The following EPB41L4A variants were observed in gnomAD, a reference collection of about 807,000 sequenced individuals.
EPB41L4A encodes the protein band 4.1-like protein 4A.
EPB41L4A carries 100 observed loss-of-function variants against 108.6 expected under a neutral mutation model. The observed-to-expected ratio is 0.92, with a 90% CI of 0.78 to 1.09. The LOEUF (loss-of-function observed/expected upper bound fraction) is 1.09. EPB41L4A is among the 50% of genes least tolerant of loss of function. The probability of loss-of-function intolerance (pLI) is 0.00; values close to 1 mark genes in which losing one functional copy is unlikely to be tolerated. For missense variants in EPB41L4A, 1,030 were observed against 842.7 expected (o/e 1.22, Z -2.75); for synonymous variants, 319 against 289.0 (o/e 1.10, Z -1.05).
chr5:112,236,299 G>T (rs1749325823), intron 11 of EPB41L4A, among the ~76,000 whole-genome samples: 1 of 152,178 alleles, frequency 6.6e-6, no homozygotes, highest in African/African-American at 2.4e-5. Flanking sequence ...CAAGCTTTCT[G>T]ACCTCCTGCT....
intron 9 of EPB41L4A, among the ~76,000 whole-genome samples, chr5:112,253,936 G>A (rs923592287): frequency 5.3e-5 from 8 of 152,246 alleles, no homozygotes; most frequent in Admixed American, 3.9e-4. Flanking sequence ...TGCGCTTGTT[G>A]ACAAACAGTG....
chr5:112,399,858 C>T (rs367871359), intron 1 of EPB41L4A, among the ~76,000 whole-genome samples: 3 of 152,226 alleles, frequency 2.0e-5, no homozygotes, highest in African/African-American at 7.2e-5. Flanking sequence ...CCCTTCACCC[C>T]CTTTGACTAA....
At chr5:112,325,467 T>C (rs1037174563) in intron 1 of EPB41L4A, among the ~76,000 whole-genome samples, 1 of 145,492 alleles carries the variant, frequency 6.9e-6, no homozygotes, top group Non-Finnish European at 1.5e-5. Flanking sequence ...AAAGGGAGAG[T>C]CAGATAAATG....
chr5:112,197,448 T>A (rs1194448501), intron 15 of EPB41L4A, among the ~76,000 whole-genome samples: 1 of 152,212 alleles, frequency 6.6e-6, no homozygotes, highest in Non-Finnish European at 1.5e-5. Context: ...GGTCACTATT[T>A]AGCATAAACA....
chr5:112,325,602 A>G (rs1369753979), intron 1 of EPB41L4A, among the ~76,000 whole-genome samples: 1 of 152,220 alleles, frequency 6.6e-6, no homozygotes. Flanking sequence ...ACTTGTTAAC[A>G]TCATGCTTTA....
intron 1 of EPB41L4A, among the ~76,000 whole-genome samples, chr5:112,354,452 C>T (rs183506560): frequency 1.3e-5 from 2 of 152,130 alleles, no homozygotes; most frequent in Admixed American, 6.5e-5. Flanking sequence ...ACTCAGCTCT[C>T]CGGCAACACT....
At chr5:112,414,594 T>C (rs1471130727) in intron 1 of EPB41L4A, among the ~76,000 whole-genome samples, 1 of 152,120 alleles carries the variant, frequency 6.6e-6, no homozygotes, top group Non-Finnish European at 1.5e-5. Flanking sequence ...ACACAGTAAC[T>C]GGACTGCAAA....
downstream of EPB41L4A, among the ~76,000 whole-genome samples, chr5:112,141,877 A>G (rs1486810521): frequency 6.6e-6 from 1 of 152,118 alleles, no homozygotes; most frequent in Non-Finnish European, 1.5e-5. Context: ...TGTGCATTTC[A>G]GTCACTGAAT....
chr5:112,240,829 C>T lies in EPB41L4A; in HGVS notation c.796-19G>A, dbSNP rs537971169. On this transcript the variant is annotated intron_variant, in intron 9 of 22. Coordinates refer to ENST00000261486, the MANE Select transcript of EPB41L4A (RefSeq NM_022140.5). ...CGTTACACTAAGAGAGAAAGAGAGACAGAATATGAATAATGACCAGGGAAG... is the reference window on the plus strand; with the variant it reads ...CGTTACACTAAGAGAGAAAGAGAGATAGAATATGAATAATGACCAGGGAAG... 9.5e-6 allele frequency: 14 copies of T among 1,470,498 alleles called. No individual in the cohort carries two copies. In the East Asian group the frequency reaches 2.1e-4, roughly 22 times the overall value. The allele number at this position is 1,470,498 out of a possible 1,614,324, so 91.1% of individuals were successfully genotyped here. A position where few individuals can be genotyped will look rare whatever the true frequency, so the allele number is the denominator to read the frequency against.
intron 9 of EPB41L4A, among the ~76,000 whole-genome samples, chr5:112,253,236 G>T (rs1750823014): frequency 6.6e-6 from 1 of 152,140 alleles, no homozygotes; most frequent in African/African-American, 2.4e-5. Flanking sequence ...GGGACAGGTG[G>T]TCACCATATG....
chr5:112,190,606 G>C (rs2150251664), intron 17 of EPB41L4A, among the ~76,000 whole-genome samples: 1 of 152,284 alleles, frequency 6.6e-6, no homozygotes, highest in African/African-American at 2.4e-5. Flanking sequence ...GTGGGTATAG[G>C]ACTACGTGGC....
chr5:112,170,399 T>G, intron 19 of EPB41L4A, 30 bp from the exon 20 acceptor site: 1 of 1,406,522 alleles, frequency 7.1e-7, no homozygotes, highest in Non-Finnish European at 1.0e-6. Flanking sequence ...AAAATGATAG[T>G]TGTGGTGCTG....
intron 1 of EPB41L4A, among the ~76,000 whole-genome samples, chr5:112,415,123 A>C (rs1762635450): frequency 6.6e-6 from 1 of 152,124 alleles, no homozygotes; most frequent in African/African-American, 2.4e-5. Context: ...GAAAATTGTA[A>C]TTTTTGGTAA....
intron 12 of EPB41L4A, among the ~76,000 whole-genome samples, chr5:112,215,506 T>C (rs1747559952): frequency 6.6e-6 from 1 of 152,130 alleles, no homozygotes; most frequent in Middle Eastern, 3.2e-3. Context: ...CTCACGCCTG[T>C]AATCCCAGCA....
At chr5:112,350,480 A>G (rs1315026331) in intron 1 of EPB41L4A, among the ~76,000 whole-genome samples, 1 of 152,212 alleles carries the variant, frequency 6.6e-6, no homozygotes, top group Non-Finnish European at 1.5e-5. Context: ...TCTGTTCTGA[A>G]TATTACAACT....
intron 1 of EPB41L4A, among the ~76,000 whole-genome samples, chr5:112,394,341 C>T (rs1761178956): frequency 1.3e-5 from 2 of 152,162 alleles, no homozygotes; most frequent in African/African-American, 4.8e-5. Flanking sequence ...TTAGAAAACA[C>T]CATAATCTCG....
intron 1 of EPB41L4A, among the ~76,000 whole-genome samples, chr5:112,317,097 A>C (rs1199818316): frequency 2.0e-5 from 3 of 152,216 alleles, no homozygotes; most frequent in African/African-American, 7.2e-5. Context: ...TCTTGATAGG[A>C]GGAATGACAT....
At chr5:112,332,765 A>G (rs954540504) in intron 1 of EPB41L4A, among the ~76,000 whole-genome samples, 2 of 152,236 alleles carry the variant, frequency 1.3e-5, no homozygotes, top group African/African-American at 4.8e-5. Context: ...GATATGGTGG[A>G]AGTTTGGCTT....
intron 1 of EPB41L4A, among the ~76,000 whole-genome samples, chr5:112,387,520 T>C (rs762508263): frequency 3.3e-5 from 5 of 152,100 alleles, no homozygotes; most frequent in African/African-American, 1.2e-4. Flanking sequence ...TCCCAGCTAC[T>C]TGGGAGGCTG....
Sources: gnomAD v4.1 joint callset for allele counts (sites outside exome capture counted in the v4.1 genomes callset) on GRCh38, gnomAD v4.1.1 for gene constraint, MANE v1.5 for transcripts, NCBI Gene and HGNC (gene_info 2026-07-23, HGNC 2026-07-21) for gene names.